DIAPH3: variants seen among roughly 807,000 people sequenced by gnomAD.
The protein encoded by DIAPH3 is protein diaphanous homolog 3.
DIAPH3 carries 117 observed loss-of-function variants against 144.3 expected under a neutral mutation model. That is an observed-to-expected ratio of 0.81 (90% CI 0.70 to 0.95). DIAPH3 has a LOEUF of 0.95. Ranked by LOEUF, DIAPH3 falls within the 40% of genes least tolerant of loss-of-function variation. The probability of loss-of-function intolerance (pLI) is 0.00; values close to 1 mark genes in which losing one functional copy is unlikely to be tolerated. For synonymous variants in DIAPH3, 519 were observed against 488.9 expected, an observed-to-expected ratio of 1.06 and a Z score of -0.81; for missense variants, 1,421 against 1,412.7, an observed-to-expected ratio of 1.01 and a Z score of -0.09.
chr13:60,160,802 C>A (rs1159341152), intron 1 of DIAPH3, among the ~76,000 whole-genome samples: 3 of 152,150 alleles, frequency 2.0e-5, no homozygotes, highest in African/African-American at 7.2e-5. Flanking sequence ...CACAAGCATC[C>A]CAAAGTCAAT....
intron 4 of DIAPH3, among the ~76,000 whole-genome samples, chr13:60,078,277 C>A (rs1207032320): frequency 6.6e-6 from 1 of 152,010 alleles, no homozygotes; most frequent in Non-Finnish European, 1.5e-5. Context: ...AAAAGGGTGG[C>A]AATGCTGAAG....
intron 9 of DIAPH3, among the ~76,000 whole-genome samples, chr13:60,008,300 G>A (rs1176394037): frequency 6.6e-6 from 1 of 152,130 alleles, no homozygotes; most frequent in Non-Finnish European, 1.5e-5. Context: ...GGAGGCTGAG[G>A]CAGAAGAATG....
chr13:60,075,775 C>G (rs765836771), intron 4 of DIAPH3, among the ~76,000 whole-genome samples: 2 of 152,114 alleles, frequency 1.3e-5, no homozygotes, highest in Non-Finnish European at 2.9e-5. Context: ...GGGCTGGAGA[C>G]AGTGGGGAGG....
chr13:60,150,467 A>G (rs1410036205), intron 1 of DIAPH3, among the ~76,000 whole-genome samples: 1 of 152,240 alleles, frequency 6.6e-6, no homozygotes, highest in Non-Finnish European at 1.5e-5. Flanking sequence ...AGGACCCATC[A>G]TGCCCTATTC....
chr13:60,030,670 A>G (rs1026414992), intron 5 of DIAPH3, among the ~76,000 whole-genome samples: 8 of 152,200 alleles, frequency 5.3e-5, no homozygotes, highest in Admixed American at 2.6e-4. Context: ...CCACACATAT[A>G]GACTCAAGAG....
At chr13:60,002,843 C>A (rs1220016595) in intron 9 of DIAPH3, among the ~76,000 whole-genome samples, 3 of 152,064 alleles carry the variant, frequency 2.0e-5, no homozygotes, top group Admixed American at 6.5e-5. Flanking sequence ...AGGGTTTCAA[C>A]AAACTCTTTG....
chr13:59,831,740 T>C (rs773877878), intron 24 of DIAPH3, among the ~76,000 whole-genome samples: 9 of 151,874 alleles, frequency 5.9e-5, no homozygotes, highest in Non-Finnish European at 8.8e-5. Context: ...AGGATATTTC[T>C]AGGTCTCTTA....
At chr13:60,013,165 T>C (rs754571971) in intron 7 of DIAPH3, 8 of 985,298 alleles carry the variant, frequency 8.1e-6, no homozygotes, top group Non-Finnish European at 9.6e-6. Flanking sequence ...CTCCGGACAA[T>C]ATGGTAACTG....
At chr13:60,017,341 T>A (rs979132372) in intron 5 of DIAPH3, among the ~76,000 whole-genome samples, 4 of 151,184 alleles carry the variant, frequency 2.6e-5, no homozygotes, top group Non-Finnish European at 5.9e-5. Context: ...GAGGCAGAGG[T>A]TGCAGTGAGC....
At chr13:59,984,051 T>C (rs758956988) in intron 12 of DIAPH3, among the ~76,000 whole-genome samples, 164 bp from the exon 13 acceptor site, 72 of 151,742 alleles carry the variant, frequency 4.7e-4, no homozygotes, top group Admixed American at 1.8e-3. Context: ...GTAAATACAA[T>C]TGTCATCACT....
intron 22 of DIAPH3, among the ~76,000 whole-genome samples, chr13:59,841,984 T>C (rs1035679394): frequency 6.6e-6 from 1 of 152,128 alleles, no homozygotes; most frequent in African/African-American, 2.4e-5. Flanking sequence ...TTTTAACCAC[T>C]GTGTTATATA....
chr13:60,083,115 G>A (rs967555333), intron 4 of DIAPH3, among the ~76,000 whole-genome samples: 2 of 152,000 alleles, frequency 1.3e-5, no homozygotes, highest in Non-Finnish European at 2.9e-5. Flanking sequence ...TAGAGGAGGA[G>A]CTTGATCATC....
At chr13:59,931,552 T>C (rs1363539580) in intron 17 of DIAPH3, among the ~76,000 whole-genome samples, 1 of 152,160 alleles carries the variant, frequency 6.6e-6, no homozygotes, top group Non-Finnish European at 1.5e-5. Flanking sequence ...GATAAGATCC[T>C]TAGAGGCAGA....
At chr13:60,010,192 G>A (rs570598391) in intron 8 of DIAPH3, among the ~76,000 whole-genome samples, 41 of 151,782 alleles carry the variant, frequency 2.7e-4, no homozygotes, top group African/African-American at 8.0e-4. Flanking sequence ...AATTCTATGT[G>A]GGGAAAAAAA....
chr13:59,788,412 G>A (rs1593856441), intron 25 of DIAPH3, among the ~76,000 whole-genome samples: 1 of 152,172 alleles, frequency 6.6e-6, no homozygotes, highest in Middle Eastern at 3.4e-3. Flanking sequence ...TTGAGGCCAG[G>A]AGTTTCAGAC....
intron 1 of DIAPH3, among the ~76,000 whole-genome samples, chr13:60,149,725 C>A (rs1951696721): frequency 1.4e-5 from 2 of 142,804 alleles, no homozygotes; most frequent in South Asian, 4.5e-4. Context: ...TGCACGCCAG[C>A]CTGGGTGACA....
chr13:60,074,408 A>G (rs1185976115), intron 4 of DIAPH3, among the ~76,000 whole-genome samples: 1 of 152,150 alleles, frequency 6.6e-6, no homozygotes, highest in African/African-American at 2.4e-5. Context: ...TTTACATCTC[A>G]CCACTCCAGA....
intron 25 of DIAPH3, among the ~76,000 whole-genome samples, chr13:59,802,679 T>TATTTTTA (rs1420173224): frequency 1.4e-5 from 1 of 70,306 alleles, no homozygotes; most frequent in Non-Finnish European, 3.0e-5. Flanking sequence ...TTTTTTTTTT[T>TATTTTTA]TTTTTTTTTT....
At chr13:59,972,126 A>G (rs1013119325) in intron 15 of DIAPH3, among the ~76,000 whole-genome samples, 1 of 152,210 alleles carries the variant, frequency 6.6e-6, no homozygotes, top group African/African-American at 2.4e-5. Flanking sequence ...CAGCTATGGA[A>G]GAAATGCGTA....
Sources: allele counts gnomAD v4.1 joint callset (sites outside exome capture counted in the v4.1 genomes callset), GRCh38; gene constraint gnomAD v4.1.1; transcripts MANE v1.5; gene names NCBI Gene and HGNC (gene_info 2026-07-23, HGNC 2026-07-21).